CSMD1: variants seen among roughly 807,000 people sequenced by gnomAD.
The protein encoded by CSMD1 is CUB and sushi domain-containing protein 1.
CSMD1 carries 213 observed loss-of-function variants against 417.5 expected under a neutral mutation model. The observed-to-expected ratio is 0.51, with a 90% CI of 0.46 to 0.57. The LOEUF (loss-of-function observed/expected upper bound fraction) is 0.57, where lower values mean the gene tolerates loss of function less well. Among genes scored for constraint, CSMD1 ranks in the 20% least tolerant of loss-of-function variants. CSMD1 has a pLI of 0.00. For missense variants in CSMD1, 6,923 were observed against 4,529.7 expected, an observed-to-expected ratio of 1.53 and a Z score of -15.17; for synonymous variants, 2,862 against 1,736.8, an observed-to-expected ratio of 1.65 and a Z score of -16.11.
chr8:4,306,335 T>G (rs755610798), intron 3 of CSMD1, among the ~76,000 whole-genome samples: 29 of 152,208 alleles, frequency 1.9e-4, no homozygotes, highest in Non-Finnish European at 3.7e-4. Context: ...ATCATCACCA[T>G]TTTTACTCCT....
chr8:3,775,346 C>A (rs965100595), intron 5 of CSMD1, among the ~76,000 whole-genome samples: 1 of 152,148 alleles, frequency 6.6e-6, no homozygotes, highest in African/African-American at 2.4e-5. Flanking sequence ...TACGCCTTCA[C>A]CTCTGAACCA....
chr8:3,353,968 G>A (rs1808577574), intron 21 of CSMD1, among the ~76,000 whole-genome samples: 1 of 152,080 alleles, frequency 6.6e-6, no homozygotes, highest in Non-Finnish European at 1.5e-5. Flanking sequence ...CAGTCTGCTT[G>A]GCCTGCTGTA....
chr8:4,413,672 C>T (rs916174533), intron 3 of CSMD1, among the ~76,000 whole-genome samples: 4 of 152,100 alleles, frequency 2.6e-5, no homozygotes, highest in Non-Finnish European at 5.9e-5. Flanking sequence ...ACCGCGGATC[C>T]CAAGAACTTA....
rs928773371 is a variant in CSMD1 at position 4,817,332 on chromosome 8, A to T, written c.85+177000T>A. Among the ~76,000 whole-genome samples the T allele has an allele frequency of 2.6e-5, 4 of 152,194 alleles. No individual in the cohort carries two copies. The South Asian group carries it at 8.3e-4, about 31-fold the overall frequency. On this transcript the variant is annotated intron_variant, in intron 1 of 69. Transcript: ENST00000635120. ...TGGCTATTATTTTCTTCAAGCTCAC[A>T]TTTTTAATATGCTAAGATAAAACAT...
At chr8:3,481,738 A>G (rs1817760843) in intron 11 of CSMD1, among the ~76,000 whole-genome samples, 1 of 152,176 alleles carries the variant, frequency 6.6e-6, no homozygotes, top group African/African-American at 2.4e-5. Context: ...GAGTGGGTTG[A>G]TGTGGCCACA....
chr8:4,884,013 G>C (rs944292647), intron 1 of CSMD1, among the ~76,000 whole-genome samples: 2 of 151,832 alleles, frequency 1.3e-5, no homozygotes, highest in Admixed American at 6.6e-5. Flanking sequence ...CTGTATTTTT[G>C]ATAATAGCCT....
At chr8:3,479,668 T>G (rs1051395881) in intron 11 of CSMD1, among the ~76,000 whole-genome samples, 2 of 152,086 alleles carry the variant, frequency 1.3e-5, no homozygotes, top group African/African-American at 4.8e-5. Flanking sequence ...AAAATATAAA[T>G]AGTACCTAGC....
chr8:3,869,106 T>G (rs965748454), intron 5 of CSMD1, among the ~76,000 whole-genome samples: 1 of 152,176 alleles, frequency 6.6e-6, no homozygotes, highest in Non-Finnish European at 1.5e-5. Flanking sequence ...AGTGTCACTC[T>G]CCTTGTTCAC....
intron 3 of CSMD1, among the ~76,000 whole-genome samples, chr8:4,084,422 C>T (rs1053220663): frequency 6.6e-5 from 10 of 151,982 alleles, no homozygotes; most frequent in Non-Finnish European, 2.9e-5. Flanking sequence ...ATTTTAACCT[C>T]GTTTTCATTT....
chr8:4,161,403 A>G (rs1026794190), intron 3 of CSMD1, among the ~76,000 whole-genome samples: 9 of 152,230 alleles, frequency 5.9e-5, no homozygotes, highest in Non-Finnish European at 1.3e-4. Flanking sequence ...TTAGAGGTAA[A>G]CTTGTCATTC....
intron 2 of CSMD1, among the ~76,000 whole-genome samples, chr8:4,483,979 G>A (rs1261714454): frequency 6.6e-6 from 1 of 152,116 alleles, no homozygotes; most frequent in Non-Finnish European, 1.5e-5. Flanking sequence ...TTTTCGGAGA[G>A]AGCACAGCCC....
chr8:4,154,093 C>A (rs1182046637), intron 3 of CSMD1, among the ~76,000 whole-genome samples: 1 of 152,156 alleles, frequency 6.6e-6, no homozygotes, highest in African/African-American at 2.4e-5. Context: ...ACTGAAAATA[C>A]AGCAAAGAGT....
At chr8:3,609,592 C>G (rs1332548721) in intron 8 of CSMD1, among the ~76,000 whole-genome samples, 1 of 151,890 alleles carries the variant, frequency 6.6e-6, no homozygotes. Flanking sequence ...TTTTACCAGC[C>G]TAAAAAAGTG....
chr8:4,591,848 C>T (rs1799999505), intron 2 of CSMD1, among the ~76,000 whole-genome samples: 1 of 152,036 alleles, frequency 6.6e-6, no homozygotes, highest in Non-Finnish European at 1.5e-5. Context: ...TGGAACAAGG[C>T]AGAGGGGAGA....
At chr8:3,271,499 T>A (rs78047670) in intron 26 of CSMD1, among the ~76,000 whole-genome samples, 26,411 of 128,056 alleles carry the variant, frequency 0.21, 3,331 homozygotes, top group African/African-American at 0.26. Context: ...CTGACGAATG[T>A]CCACACTGAC....
chr8:3,040,473 TATATAAAC>T (rs995662602), intron 50 of CSMD1, among the ~76,000 whole-genome samples: 11 of 149,430 alleles, frequency 7.4e-5, no homozygotes, highest in Non-Finnish European at 1.6e-4. Context: ...TCTATCTATA[TATATAAAC>T]ATATAAACAT....
At chr8:3,965,540 C>G (rs183468806) in intron 5 of CSMD1, among the ~76,000 whole-genome samples, 3 of 152,260 alleles carry the variant, frequency 2.0e-5, no homozygotes, top group East Asian at 1.9e-4. Context: ...GCCTGAACAA[C>G]TAGGTCAGGA....
At chr8:4,560,158 G>C (rs931093335) in intron 2 of CSMD1, among the ~76,000 whole-genome samples, 6 of 152,186 alleles carry the variant, frequency 3.9e-5, no homozygotes, top group African/African-American at 1.4e-4. Flanking sequence ...TGAGAAAACC[G>C]CGCTCATCTC....
chr8:4,158,266 A>G (rs987767606), intron 3 of CSMD1, among the ~76,000 whole-genome samples: 3 of 152,038 alleles, frequency 2.0e-5, no homozygotes, highest in African/African-American at 4.8e-5. Context: ...CTCTGCAGAC[A>G]TCGGGAAGAC....
Sources: gnomAD v4.1 joint callset for allele counts (sites outside exome capture counted in the v4.1 genomes callset) on GRCh38, gnomAD v4.1.1 for gene constraint, MANE v1.5 for transcripts, NCBI Gene and HGNC (gene_info 2026-07-23, HGNC 2026-07-21) for gene names.